The following MCM5 variants were observed in gnomAD, a reference collection of about 807,000 sequenced individuals.
MCM5 encodes minichromosome maintenance complex component 5.
MCM5 carries 46 observed loss-of-function variants against 79.9 expected under a neutral mutation model. The observed-to-expected ratio is 0.58, with a 90% CI of 0.45 to 0.74. The LOEUF (loss-of-function observed/expected upper bound fraction) is 0.74, where lower values mean the gene tolerates loss of function less well. Among genes scored for constraint, MCM5 ranks in the 30% least tolerant of loss-of-function variants. The pLI is 0.00. For missense variants in MCM5, 883 were observed against 1,017.0 expected (o/e 0.87, Z 1.79); for synonymous variants, 404 against 390.5 (o/e 1.03, Z -0.41).
the MCM5 span, among the ~76,000 whole-genome samples, chr22:35,450,316 G>C: frequency 1.3e-5 from 1 of 79,128 alleles, no homozygotes; most frequent in East Asian, 2.4e-4. Context: ...TGCAGAACAG[G>C]GGGAAGGAAA....
chr22:35,443,730 AG>A, the MCM5 span, among the ~76,000 whole-genome samples: 3 of 152,156 alleles, frequency 2.0e-5, no homozygotes, highest in African/African-American at 7.2e-5. Flanking sequence ...GGGGGCCCAG[AG>A]GGGATGCTCT....
At position 35,424,154 on chromosome 22, in the gene MCM5, A is replaced by G. The variant is rs1932754958; in HGVS notation, c.2104A>G (p.Lys702Glu). 1 of 1,548,582 alleles carries G rather than the reference A, an allele frequency of 6.5e-7. No individual in the cohort carries two copies. The highest frequency in any genetic ancestry group is 8.7e-7 in the Non-Finnish European group (1 of 1,144,982). The change falls in exon 17 of 17, where the codon AAA becomes GAA. Residue 702 changes from lysine (K) to glutamate (E), a missense_variant and splice_region_variant. Around this residue, in one of 3 missense-constraint regions of MCM5, gnomAD observed 426 missense variants for 482.3 expected, o/e 0.88. Coordinates refer to ENST00000216122, the MANE Select transcript of MCM5 (RefSeq NM_006739.4). ...GTTAGCCAGCCATGTGCTCCCACAG[A>G]AATACCCGGAGCACGCCATCCACAA... is the stretch of plus-strand genomic sequence containing the variant. ...HSIIKDFTKQ[K>E]YPEHAIHKVL...
chr22:35,420,589 G>GA (rs1349304295), intron 14 of MCM5, among the ~76,000 whole-genome samples: 1 of 152,238 alleles, frequency 6.6e-6, no homozygotes. Context: ...ATGGTATGGG[G>GA]ACTGGTGTGA....
intron 14 of MCM5, 104 bp downstream of exon 14, chr22:35,420,116 A>T: frequency 7.3e-7 from 1 of 1,374,932 alleles, no homozygotes; most frequent in Non-Finnish European, 9.8e-7. Context: ...CACTTGGCAC[A>T]GGCCCATAGT....
At chr22:35,436,639 G>A in the MCM5 span, among the ~76,000 whole-genome samples, 1 of 151,754 alleles carries the variant, frequency 6.6e-6, no homozygotes, top group Non-Finnish European at 1.5e-5. Context: ...CTTCACTCTT[G>A]TGCAGAGCTG....
At chr22:35,426,733 T>C (rs1412784653), downstream of MCM5, among the ~76,000 whole-genome samples, 1 of 152,178 alleles carries the variant, frequency 6.6e-6, no homozygotes, top group Non-Finnish European at 1.5e-5. Flanking sequence ...CAGGAAGGGC[T>C]GGGTGCCTGT....
At chr22:35,426,583 A>G (rs1016607554), downstream of MCM5, among the ~76,000 whole-genome samples, 3 of 152,162 alleles carry the variant, frequency 2.0e-5, no homozygotes, top group Admixed American at 6.5e-5. Context: ...CTGCTGAGCA[A>G]ATCACTTCAC....
intron 13 of MCM5, among the ~76,000 whole-genome samples, chr22:35,418,199 CCT>C: frequency 6.6e-6 from 1 of 152,260 alleles, no homozygotes; most frequent in South Asian, 2.1e-4. Context: ...AGTTGGTTGG[CCT>C]CTCTGAGCCT....
Position 35,424,298 on chromosome 22 carries a change from C to A in MCM5, c.*43C>A. ...GACTCATGGACTCGCCCACGCCTCG[C>A]CCCTCCTGCCGCTGCCTGCCATTGA... On this transcript the variant is annotated 3_prime_UTR_variant, in exon 17 of 17. Coordinates refer to ENST00000216122, the MANE Select transcript of MCM5 (RefSeq NM_006739.4). 2 of 1,379,574 alleles carry A rather than the reference C, an allele frequency of 1.4e-6. No homozygotes were observed. Among genetic ancestry groups the A allele is most frequent in the South Asian group, 1.3e-5 (1 of 75,660 alleles). 85.5% of individuals were successfully genotyped at this position (1,379,574 alleles called of 1,614,324 possible).
chr22:35,415,756 G>C, intron 9 of MCM5, 73 bp from the exon 10 acceptor site: 1 of 1,540,588 alleles, frequency 6.5e-7, no homozygotes, highest in Non-Finnish European at 8.8e-7. Context: ...CACAACCTCA[G>C]TGGGTCTTTT....
At chr22:35,416,977 AGGATTGAAGCAGG>A (rs1932562952) in intron 12 of MCM5, among the ~76,000 whole-genome samples, 163 bp downstream of exon 12, 1 of 152,088 alleles carries the variant, frequency 6.6e-6, no homozygotes, top group South Asian at 2.1e-4. Flanking sequence ...TGGACTGCAG[AGGATTGAAGCAGG>A]GTCTGGAGTC....
chr22:35,454,818 G>A, the MCM5 span, among the ~76,000 whole-genome samples: 1 of 152,046 alleles, frequency 6.6e-6, no homozygotes, highest in Admixed American at 6.5e-5. Flanking sequence ...ATAAGTCTCC[G>A]TTGTAAGGGG....
the MCM5 span, among the ~76,000 whole-genome samples, chr22:35,444,445 G>A: frequency 2.0e-5 from 3 of 152,052 alleles, no homozygotes; most frequent in Non-Finnish European, 4.4e-5. Flanking sequence ...TGGGGCTGGG[G>A]CTGATGGAGG....
chr22:35,421,690 C>T (rs910260668), intron 15 of MCM5: 3 of 602,548 alleles, frequency 5.0e-6, no homozygotes, highest in African/African-American at 1.8e-5. Context: ...TGAACACAAT[C>T]CTCTTGACCC....
the MCM5 span, among the ~76,000 whole-genome samples, chr22:35,449,486 C>A: frequency 6.6e-6 from 1 of 152,012 alleles, no homozygotes; most frequent in Non-Finnish European, 1.5e-5. Context: ...CTTCTCTGTT[C>A]CAGCTGTGGC....
At chr22:35,422,623 A>ATT (rs1278670915) in intron 15 of MCM5, 1 of 152,210 alleles carries the variant, frequency 6.6e-6, no homozygotes, top group East Asian at 1.9e-4. Context: ...AGTGGTGATA[A>ATT]TTTGAGTTGG....
downstream of MCM5, among the ~76,000 whole-genome samples, chr22:35,430,169 A>T (rs1171013193): frequency 6.6e-6 from 1 of 152,200 alleles, no homozygotes. Flanking sequence ...ATGGGAGAGA[A>T]AATTACTGCT....
At chr22:35,429,630 G>A (rs564207590), downstream of MCM5, among the ~76,000 whole-genome samples, 2 of 151,930 alleles carry the variant, frequency 1.3e-5, no homozygotes, top group East Asian at 3.9e-4. Flanking sequence ...TCCACCTCCT[G>A]GTTCAAGCAA....
chr22:35,403,023 G>T (rs1242512008), intron 2 of MCM5, among the ~76,000 whole-genome samples, 184 bp from the exon 3 acceptor site: 2 of 152,180 alleles, frequency 1.3e-5, no homozygotes, highest in Non-Finnish European at 2.9e-5. Context: ...TGCCAGCAGT[G>T]AGTAGCCTCT....
Sources: gnomAD v4.1 joint callset for allele counts (sites outside exome capture counted in the v4.1 genomes callset) on GRCh38, gnomAD v4.1.1 for gene constraint, gnomAD v4.1.1 regional missense constraint, MANE v1.5 for transcripts, NCBI Gene and HGNC (gene_info 2026-07-23, HGNC 2026-07-21) for gene names.